FDPS: variants seen among roughly 807,000 people sequenced by gnomAD.
FDPS encodes farnesyl diphosphate synthase, also known as farnesyl pyrophosphate synthase.
A neutral mutation model predicts 49.5 loss-of-function variants in FDPS; 29 were observed. The ratio of observed to expected loss-of-function variants is 0.59; its 90% CI spans 0.44 to 0.80. FDPS has a LOEUF of 0.80. FDPS is among the 30% of genes least tolerant of loss of function. FDPS has a pLI of 0.00. For missense variants in FDPS, 414 were observed against 525.6 expected, an observed-to-expected ratio of 0.79 and a Z score of 2.08; for synonymous variants, 172 against 206.4, an observed-to-expected ratio of 0.83 and a Z score of 1.43.
At chr1:155,313,533 G>A (rs1227933245) in intron 4 of FDPS, among the ~76,000 whole-genome samples, 5 of 152,228 alleles carry the variant, frequency 3.3e-5, no homozygotes, top group Non-Finnish European at 7.3e-5. Flanking sequence ...CTTGGTATGG[G>A]TGGAGCAGGT....
intron 3 of FDPS, among the ~76,000 whole-genome samples, chr1:155,311,743 C>T (rs1349133099): frequency 3.9e-5 from 6 of 151,940 alleles, no homozygotes; most frequent in South Asian, 2.1e-4. Context: ...GAGGCCAAGG[C>T]GGGTGGATGA....
At chr1:155,314,431 G>A (rs929677306) in intron 4 of FDPS, among the ~76,000 whole-genome samples, 3 of 151,562 alleles carry the variant, frequency 2.0e-5, no homozygotes, top group Non-Finnish European at 2.9e-5. Flanking sequence ...TGCCCATCTC[G>A]GCCTCCTAAA....
chr1:155,314,053 G>A (rs1649066526), intron 4 of FDPS, among the ~76,000 whole-genome samples: 1 of 152,108 alleles, frequency 6.6e-6, no homozygotes. Context: ...TCCTGACCTT[G>A]TGATCCATCT....
intron 4 of FDPS, chr1:155,317,248 T>C (rs1265801882): frequency 1.3e-5 from 2 of 152,234 alleles, no homozygotes; most frequent in Non-Finnish European, 2.9e-5. Flanking sequence ...GGAAGTAATG[T>C]GAAGTCAGTT....
rs527806594 is a variant in FDPS at position 155,313,706 on chromosome 1, T to C, written c.480+1311T>C. On this transcript the variant is annotated intron_variant, in intron 4 of 10. Transcript: ENST00000368356. ...CTGAGGGGCTGAGGGGTTCAAAATA[T>C]GGAGATGACAGGCAAGGAAGGAAGG... Among the ~76,000 whole-genome samples the C allele has an allele frequency of 7.9e-5, 12 of 151,904 alleles. No individual in the cohort carries two copies. The South Asian group carries it at 2.5e-3, about 32-fold the overall frequency.
chr1:155,316,169 C>T (rs551793227), intron 4 of FDPS, among the ~76,000 whole-genome samples: 2 of 150,840 alleles, frequency 1.3e-5, no homozygotes, highest in African/African-American at 4.9e-5. Context: ...GCAGGAGAAT[C>T]GCGTGAACCC....
intron 8 of FDPS, 116 bp downstream of exon 8, chr1:155,319,044 C>A: frequency 1.3e-6 from 1 of 770,496 alleles, no homozygotes; most frequent in Non-Finnish European, 2.3e-6. Flanking sequence ...TGACCTTGAG[C>A]AAGTCGGTCT....
intron 4 of FDPS, among the ~76,000 whole-genome samples, chr1:155,316,455 T>C (rs557778414): frequency 6.6e-6 from 1 of 152,074 alleles, no homozygotes; most frequent in African/African-American, 2.4e-5. Flanking sequence ...CTTGTCTCTT[T>C]AAAAAAGCAA....
chr1:155,320,477 G>C lies in FDPS; in HGVS notation c.1128G>C (p.Leu376=). ...AGGCGCTATATGAGGAGCTGGATCT[G>C]CCAGCAGTGTTCTTGCAATATGAGG... is the stretch of plus-strand genomic sequence containing the variant. ...RVKALYEELD[L]PAVFLQYEED... Residue 376 remains leucine, a synonymous_variant, in exon 11 of 11, where the codon CTG becomes CTC. Transcript: ENST00000368356. The C allele has an allele frequency of 1.2e-6, 2 of 1,613,930 alleles. No homozygotes were observed. Among genetic ancestry groups the C allele is most frequent in the African/African-American group, 1.3e-5 (1 of 75,014 alleles).
chr1:155,312,624 T>G (rs1407306354), intron 4 of FDPS: 12 of 492,868 alleles, frequency 2.4e-5, no homozygotes, highest in Non-Finnish European at 4.4e-5. Context: ...CAGTGTGGAC[T>G]GGGGCCTCGA....
At position 155,320,507 on chromosome 1, in the gene FDPS, C is replaced by T; in HGVS notation, c.1158C>T (p.Asp386=). The stretch of plus-strand genomic sequence containing the variant: ...CAGTGTTCTTGCAATATGAGGAAGA[C>T]AGTTACAGCCACATTATGGCTCTCA... The part of the protein sequence containing the change: ...LPAVFLQYEE[D]SYSHIMALIE... The change falls in exon 11 of 11, where the codon GAC becomes GAT. Residue 386 remains aspartate (D), a synonymous_variant. Coordinates refer to ENST00000368356, the MANE Select transcript of FDPS (RefSeq NM_002004.4). 6.2e-7 allele frequency: 1 copy of T among 1,614,064 alleles called. No individual in the cohort carries two copies. Among genetic ancestry groups the T allele is most frequent in the Non-Finnish European group, 8.5e-7 (1 of 1,180,020 alleles).
At chr1:155,314,473 C>G (rs539697697) in intron 4 of FDPS, among the ~76,000 whole-genome samples, 1 of 151,828 alleles carries the variant, frequency 6.6e-6, no homozygotes, top group Non-Finnish European at 1.5e-5. Flanking sequence ...GCCACCACGC[C>G]TGGTCTAAAT....
intron 4 of FDPS, chr1:155,312,617 T>A: frequency 1.9e-6 from 1 of 519,084 alleles, no homozygotes; most frequent in Non-Finnish European, 3.5e-6. Context: ...TTGTAGACAG[T>A]GTGGACTGGG....
At chr1:155,316,664 G>T (rs1313750020) in intron 4 of FDPS, among the ~76,000 whole-genome samples, 1 of 152,000 alleles carries the variant, frequency 6.6e-6, no homozygotes, top group Admixed American at 6.6e-5. Flanking sequence ...GGTGGCAGGT[G>T]CCTGTAGTCC....
Position 155,318,437 on chromosome 1 carries a change from G to A in FDPS, c.684+146G>A. 9.1e-7 allele frequency: 1 copy of A among 1,096,484 alleles called. No homozygotes were observed. The highest frequency in any genetic ancestry group is 1.3e-6 in the Non-Finnish European group (1 of 749,364). The allele number at this position is 1,096,484 out of a possible 1,614,324, so 67.9% of individuals were successfully genotyped here. ...AGCGAGGAAGGGTGTTGGGAAGTGG[G>A]GTTGTGGTAGTGGCAAGAAAGGGCT... On this transcript the variant is annotated intron_variant, in intron 6 of 10. Coordinates refer to ENST00000368356, the MANE Select transcript of FDPS (RefSeq NM_002004.4). The surrounding 1 kb of genome is among the most constrained non-coding windows in gnomAD (Gnocchi z 4.2).
At chr1:155,310,311 A>AG in intron 3 of FDPS, 106 bp downstream of exon 3, 2 of 949,586 alleles carry the variant, frequency 2.1e-6, no homozygotes. Context: ...TGTGAGAGAA[A>AG]GCTTTTTTTT....
chr1:155,310,212 G>C lies in FDPS; in HGVS notation c.339+7G>C, dbSNP rs1029243069. On this transcript the variant is annotated splice_region_variant and intron_variant, in intron 3 of 10. Coordinates refer to ENST00000368356, the MANE Select transcript of FDPS (RefSeq NM_002004.4). ...TATTGCCCGGCTCAAGGAGGTGAGG[G>C]ATTCATGACTTGGGGGAGTAAGGCT... 8.7e-6 allele frequency: 14 copies of C among 1,613,670 alleles called. No individual in the cohort carries two copies. Among genetic ancestry groups the C allele is most frequent in the Non-Finnish European group, 1.2e-5 (14 of 1,179,704 alleles).
rs754299791 is a variant in FDPS at position 155,310,088 on chromosome 1, T to C, written c.222T>C (p.Asp74=). 7 of 1,614,048 alleles carry C rather than the reference T, an allele frequency of 4.3e-6. No individual in the cohort carries two copies. Among genetic ancestry groups the C allele is most frequent in the Non-Finnish European group, 4.2e-6 (5 of 1,179,970 alleles). The change falls in exon 3 of 11, where the codon GAT becomes GAC. Residue 74 remains aspartate (D), a synonymous_variant. Coordinates refer to ENST00000368356, the MANE Select transcript of FDPS (RefSeq NM_002004.4). ...SLRMNGDQNS[D]VYAQEKQDFV... ...GAATGAACGGAGACCAGAATTCAGA[T>C]GTTTATGCCCAAGAAAAGCAGGATT...
In FDPS at chr1:155,319,776, C is replaced by T. The variant is rs755941790; in HGVS notation, c.925-18C>T. 9 of 1,614,090 alleles carry T rather than the reference C, an allele frequency of 5.6e-6. No individual in the cohort carries two copies. The highest frequency in any genetic ancestry group is 7.6e-6 in the Non-Finnish European group (9 of 1,179,966). ...ACCTCATCCTTCCTCTTTTGCTGCC[C>T]TCCCCCTCCCTGCCCAGGATGATTA... On this transcript the variant is annotated intron_variant, in intron 9 of 10. Transcript: ENST00000368356.
Sources: gnomAD v4.1 joint callset for allele counts (sites outside exome capture counted in the v4.1 genomes callset) on GRCh38, gnomAD v4.1.1 for gene constraint, Gnocchi (gnomAD v3.1) non-coding constraint, MANE v1.5 for transcripts, NCBI Gene and HGNC (gene_info 2026-07-23, HGNC 2026-07-21) for gene names.